The following ZDHHC4 variants were observed in gnomAD, a reference collection of about 807,000 sequenced individuals.
ZDHHC4 encodes zDHHC palmitoyltransferase 4.
ZDHHC4 carries 42 observed loss-of-function variants against 36.7 expected under a neutral mutation model. The ratio of observed to expected loss-of-function variants is 1.14; its 90% CI spans 0.89 to 1.48. The LOEUF (loss-of-function observed/expected upper bound fraction) is 1.48. ZDHHC4 is among the 40% of genes most tolerant of loss of function. The probability of loss-of-function intolerance (pLI) is 0.00; values close to 1 mark genes in which losing one functional copy is unlikely to be tolerated. For missense variants in ZDHHC4, 457 were observed against 421.5 expected (o/e 1.08, Z -0.74); for synonymous variants, 189 against 166.6 (o/e 1.13, Z -1.03).
intron 2 of ZDHHC4, among the ~76,000 whole-genome samples, chr7:6,579,912 G>A (rs1029571880): frequency 2.0e-5 from 3 of 152,016 alleles, no homozygotes; most frequent in Non-Finnish European, 2.9e-5. Flanking sequence ...GAGGCAGGTG[G>A]ATCACCTGAG....
chr7:6,578,420 G>T (rs776190497), intron 1 of ZDHHC4, 146 bp from the exon 2 acceptor site: 11 of 152,242 alleles, frequency 7.2e-5, no homozygotes, highest in Non-Finnish European at 1.6e-4. Context: ...AAGCAACTTA[G>T]TCTGGGCCAT....
In ZDHHC4 at chr7:6,585,107, C is replaced by G. The variant is rs1250123636; in HGVS notation, c.588C>G (p.Ile196Met). 4 of 1,614,042 alleles carry G rather than the reference C, an allele frequency of 2.5e-6. No homozygotes were observed. Among genetic ancestry groups the G allele is most frequent in the African/African-American group, 1.3e-5 (1 of 74,898 alleles). Residue 196 changes from isoleucine (I) to methionine (M), a missense_variant, in exon 7 of 8, where the codon ATC (isoleucine) becomes ATG (methionine). Transcript: ENST00000335965. ...CCTGGAACATCAGGTACTTCCTCAT[C>G]TACGTCTTGACCTTGACGGCCTCGG... Reference protein sequence around the residue: ...IGAWNIRYFLIYVLTLTASAA... With the variant: ...IGAWNIRYFLMYVLTLTASAA...
chr7:6,585,456 A>G (rs114025075), intron 7 of ZDHHC4, among the ~76,000 whole-genome samples, 196 bp downstream of exon 7: 1,563 of 151,318 alleles, frequency 0.01, 28 homozygotes, highest in African/African-American at 0.036. Flanking sequence ...ATGTCCATCA[A>G]CTGATGATTG....
chr7:6,580,996 C>T (rs1780806979), intron 3 of ZDHHC4: 1 of 338,856 alleles, frequency 3.0e-6, no homozygotes, highest in African/African-American at 2.1e-5. Context: ...TCCACAGCCT[C>T]TGTCTGTGTG....
In ZDHHC4 at chr7:6,588,690, G is replaced by A. The variant is rs753847644; in HGVS notation, c.815G>A (p.Gly272Asp). The change falls in exon 8 of 8, where the codon GGC (glycine) becomes GAC (aspartate). Residue 272 changes from glycine to aspartate, a missense_variant. Gly to Asp is a moderately conservative substitution (Grantham distance 94, BLOSUM62 -1). Transcript: ENST00000335965. ...GTGGTTCTGAGCTTCCTCCTGGGTGGCTACCTGTTGTTTGTCCTGTATCTG... is the reference window on the plus strand; with the variant it reads ...GTGGTTCTGAGCTTCCTCCTGGGTGACTACCTGTTGTTTGTCCTGTATCTG... ...FVVVLSFLLGGYLLFVLYLAA... is the reference protein window; with the variant it reads ...FVVVLSFLLGDYLLFVLYLAA... 6.2e-7 allele frequency: 1 copy of A among 1,614,084 alleles called. No individual in the cohort carries two copies. The highest frequency in any genetic ancestry group is 1.3e-5 in the African/African-American group (1 of 74,928).
Position 6,583,417 on chromosome 7 carries a change from G to A in ZDHHC4, c.482G>A (p.Arg161Gln), listed in dbSNP as rs372891853. Reference protein sequence around the residue: ...CSTCDLRKPARSKHCSVCNWC... With the variant: ...CSTCDLRKPAQSKHCSVCNWC... ...ACTTGTGATTTAAGGAAACCAGCTC[G>A]ATCCAAGCACTGCAGTGAGTGTGGC... The change falls in exon 6 of 8, where the codon CGA becomes CAA. Residue 161 changes from arginine to glutamine, a missense_variant. Coordinates refer to ENST00000335965, the MANE Select transcript of ZDHHC4 (RefSeq NM_001134389.2). 32 of 1,613,034 alleles carry A rather than the reference G, an allele frequency of 2.0e-5. No individual in the cohort carries two copies. Among genetic ancestry groups the A allele is most frequent in the South Asian group, 4.4e-5 (4 of 90,982 alleles).
chr7:6,586,849 A>T (rs369410144), intron 7 of ZDHHC4, among the ~76,000 whole-genome samples: 14 of 145,360 alleles, frequency 9.6e-5, no homozygotes, highest in African/African-American at 3.7e-4. Flanking sequence ...TTTGTTCATC[A>T]GTTGATGGAC....
chr7:6,582,515 C>G (rs1052049286), intron 5 of ZDHHC4, among the ~76,000 whole-genome samples: 34 of 151,958 alleles, frequency 2.2e-4, no homozygotes, highest in African/African-American at 8.0e-4. Flanking sequence ...CGGTATGGTA[C>G]TGTTCCTTTT....
intron 2 of ZDHHC4, among the ~76,000 whole-genome samples, chr7:6,579,036 C>T (rs886275789): frequency 6.6e-6 from 1 of 152,082 alleles, no homozygotes; most frequent in African/African-American, 2.4e-5. Flanking sequence ...GTTGCCCAGG[C>T]TGGTCTTGAA....
In ZDHHC4 at chr7:6,588,932, G is replaced by A; in HGVS notation, c.*22G>A. The A allele has an allele frequency of 6.3e-7, 1 of 1,589,520 alleles. No homozygotes were observed. Among genetic ancestry groups the A allele is most frequent in the Non-Finnish European group, 8.6e-7 (1 of 1,161,396 alleles). On this transcript the variant is annotated 3_prime_UTR_variant, in exon 8 of 8. Transcript: ENST00000335965. ...ATGACAAGTGTATGACTGCCTTTGA[G>A]CTGTAGTTCCCGTTTATTTACACAT...
rs749140298 is a variant in ZDHHC4, at chr7:6,585,163, T to C, written c.644T>C (p.Phe215Ser). 25 of 1,614,192 alleles carry C rather than the reference T, an allele frequency of 1.5e-5. No individual in the cohort carries two copies. Among genetic ancestry groups the C allele is most frequent in the Non-Finnish European group, 1.9e-5 (23 of 1,180,030 alleles). Residue 215 changes from phenylalanine to serine, a missense_variant, in exon 7 of 8, where the codon TTT (phenylalanine) becomes TCT (serine). Physicochemically the swap from Phe to Ser is radical, Grantham distance 155. Coordinates refer to ENST00000335965, the MANE Select transcript of ZDHHC4 (RefSeq NM_001134389.2). ...ACCGTCGCCATTGTGAGCACCACTT[T>C]TCTGGTCCACTTGGTGGTGATGTCA... ...AATVAIVSTT[F>S]LVHLVVMSDL...
Position 6,589,052 on chromosome 7 carries a change from G to A in ZDHHC4, c.*142G>A. Reference sequence around the variant, plus strand: ...GGGCAAGGGAGAGAGGGGAAAATGGGTGTTGACTGAGGAATCCCCCTTGCT... The same window carrying A: ...GGGCAAGGGAGAGAGGGGAAAATGGATGTTGACTGAGGAATCCCCCTTGCT... On this transcript the variant is annotated 3_prime_UTR_variant, in exon 8 of 8. Transcript: ENST00000335965. 3.8e-6 allele frequency: 4 copies of A among 1,052,684 alleles called. No homozygotes were observed. The highest frequency in any genetic ancestry group is 1.6e-5 in the South Asian group (1 of 63,892). The allele number at this position is 1,052,684 out of a possible 1,614,324, so 65.2% of individuals were successfully genotyped here.
At chr7:6,586,481 T>C (rs1781254253) in intron 7 of ZDHHC4, among the ~76,000 whole-genome samples, 1 of 152,212 alleles carries the variant, frequency 6.6e-6, no homozygotes, top group Non-Finnish European at 1.5e-5. Context: ...ACTTCATTCC[T>C]TTTGTTTATT....
At chr7:6,580,974 G>C (rs1562539900) in intron 3 of ZDHHC4, 3 of 381,348 alleles carry the variant, frequency 7.9e-6, no homozygotes, top group Non-Finnish European at 1.5e-5. Context: ...GTTGATGGCA[G>C]TTGTGGGATA....
chr7:6,579,837 T>G (rs1368723649), intron 2 of ZDHHC4, among the ~76,000 whole-genome samples: 2 of 152,130 alleles, frequency 1.3e-5, no homozygotes, highest in Non-Finnish European at 2.9e-5. Flanking sequence ...GGGTGTTAGA[T>G]TCAAAGTTTT....
At position 6,588,787 on chromosome 7, in the gene ZDHHC4, G is replaced by A. The variant is rs143017090; in HGVS notation, c.912G>A (p.Val304=). ...CCTGGTGCCAGCGTTGTCCCCTTGTGGCCTGGCCTCCGTCAGCAGAGCCCC... is the reference window on the plus strand; with the variant it reads ...CCTGGTGCCAGCGTTGTCCCCTTGTAGCCTGGCCTCCGTCAGCAGAGCCCC... The part of the protein sequence containing the change: ...DWAWCQRCPL[V]AWPPSAEPQV... Residue 304 remains valine (V), a synonymous_variant, in exon 8 of 8, where the codon GTG becomes GTA. Transcript: ENST00000335965. The A allele has an allele frequency of 6.2e-7, 1 of 1,614,166 alleles. No homozygotes were observed. Among genetic ancestry groups the A allele is most frequent in the Non-Finnish European group, 8.5e-7 (1 of 1,180,032 alleles).
intron 2 of ZDHHC4, among the ~76,000 whole-genome samples, chr7:6,580,198 ACTATGTTGCCCAGG>A (rs1411891875): frequency 3.3e-5 from 5 of 151,520 alleles, no homozygotes; most frequent in Non-Finnish European, 7.4e-5. Flanking sequence ...ACAGGGCCTC[ACTATGTTGCCCAGG>A]CTGGTCTCGA....
rs1430202938 is a variant in ZDHHC4, at chr7:6,588,683, C to A, written c.808C>A (p.Leu270Met). 3 of 1,614,076 alleles carry A rather than the reference C, an allele frequency of 1.9e-6. No individual in the cohort carries two copies. The highest frequency in any genetic ancestry group is 1.7e-6 in the Non-Finnish European group (2 of 1,180,038). Residue 270 changes from leucine to methionine, a missense_variant, in exon 8 of 8, where the codon CTG becomes ATG. Coordinates refer to ENST00000335965, the MANE Select transcript of ZDHHC4 (RefSeq NM_001134389.2). ...LGFVVVLSFL[L>M]GGYLLFVLYL... ...CTTTGTCGTGGTTCTGAGCTTCCTCCTGGGTGGCTACCTGTTGTTTGTCCT... is the reference window on the plus strand; with the variant it reads ...CTTTGTCGTGGTTCTGAGCTTCCTCATGGGTGGCTACCTGTTGTTTGTCCT...
rs1181330822 is a variant in ZDHHC4 at position 6,588,801 on chromosome 7, C to T, written c.926C>T (p.Ser309Leu). 6.2e-7 allele frequency: 1 copy of T among 1,614,174 alleles called. No individual in the cohort carries two copies. The highest frequency in any genetic ancestry group is 1.7e-5 in the Admixed American group (1 of 60,016). Residue 309 changes from serine to leucine, a missense_variant, in exon 8 of 8, where the codon TCA becomes TTA. Physicochemically the swap from Ser to Leu is moderately radical, Grantham distance 145. Transcript: ENST00000335965. ...QRCPLVAWPPSAEPQVHRNIH... is the reference protein window; with the variant it reads ...QRCPLVAWPPLAEPQVHRNIH... ...TGTCCCCTTGTGGCCTGGCCTCCGTCAGCAGAGCCCCAAGTCCACCGGAAC... is the reference window on the plus strand; with the variant it reads ...TGTCCCCTTGTGGCCTGGCCTCCGTTAGCAGAGCCCCAAGTCCACCGGAAC...
Sources: gnomAD v4.1 joint callset for allele counts (sites outside exome capture counted in the v4.1 genomes callset) on GRCh38, gnomAD v4.1.1 for gene constraint, MANE v1.5 for transcripts, NCBI Gene and HGNC (gene_info 2026-07-23, HGNC 2026-07-21) for gene names.